Variants in ALG5 observed in about 807,000 individuals in gnomAD.
ALG5 encodes the protein ALG5 dolichyl-phosphate beta-glucosyltransferase, also known as dolichyl-phosphate beta-glucosyltransferase.
A neutral mutation model predicts 51.8 loss-of-function variants in ALG5; 26 were observed. That is an observed-to-expected ratio of 0.50 (90% CI 0.37 to 0.70). The LOEUF is 0.70. ALG5 is among the 30% of genes least tolerant of loss of function. The probability of loss-of-function intolerance (pLI) is 0.00; values close to 1 mark genes in which losing one functional copy is unlikely to be tolerated. For missense variants in ALG5, 311 were observed against 399.3 expected (o/e 0.78, Z 1.88); for synonymous variants, 141 against 136.1 (o/e 1.04, Z -0.25).
At chr13:36,987,456 A>G (rs2059007049) in intron 5 of ALG5, among the ~76,000 whole-genome samples, 1 of 152,140 alleles carries the variant, frequency 6.6e-6, no homozygotes, top group Non-Finnish European at 1.5e-5. Context: ...TGTCCTTGCA[A>G]TAGTGAGCAA....
chr13:36,993,994 A>G (rs2059037411), intron 3 of ALG5, among the ~76,000 whole-genome samples: 1 of 152,190 alleles, frequency 6.6e-6, no homozygotes, highest in South Asian at 2.1e-4. Context: ...GTGTGTAAGA[A>G]AAAAGCTCCT....
At chr13:36,951,066 C>T (rs1013388196) in intron 9 of ALG5, among the ~76,000 whole-genome samples, 29 of 152,170 alleles carry the variant, frequency 1.9e-4, no homozygotes, top group African/African-American at 7.0e-4. Flanking sequence ...ACTGTAGAGA[C>T]ATTATCGTTT....
intron 8 of ALG5, among the ~76,000 whole-genome samples, chr13:36,965,032 G>C (rs2058886291): frequency 6.6e-6 from 1 of 152,058 alleles, no homozygotes; most frequent in South Asian, 2.1e-4. Flanking sequence ...ACTTTTTCAA[G>C]AGAAGGTTGC....
chr13:36,983,794 A>C (rs1379905404), intron 6 of ALG5, among the ~76,000 whole-genome samples: 1 of 152,086 alleles, frequency 6.6e-6, no homozygotes, highest in African/African-American at 2.4e-5. Flanking sequence ...GAAAAAAACA[A>C]AAAAAACAGC....
At chr13:36,997,597 A>T (rs1047655254) in intron 1 of ALG5, among the ~76,000 whole-genome samples, 2 of 152,218 alleles carry the variant, frequency 1.3e-5, no homozygotes, top group Non-Finnish European at 2.9e-5. Context: ...ATTGGAACAA[A>T]CAGACATATA....
chr13:36,996,483 A>G lies in ALG5; in HGVS notation c.67-887T>C, dbSNP rs150600019. On this transcript the variant is annotated intron_variant, in intron 1 of 9. Transcript: ENST00000239891. The stretch of plus-strand genomic sequence containing the variant: ...TAATCAAAGATTATCAAAGATTATA[A>G]GGGCTGTGCTGAAAGGACAAAGTAG... Among the ~76,000 whole-genome samples, 393 of 152,312 alleles carry G rather than the reference A, an allele frequency of 2.6e-3. 2 individuals are homozygous for G. Among genetic ancestry groups the G allele is most frequent in the African/African-American group, 8.8e-3 (367 of 41,560 alleles).
At chr13:36,956,285 T>TA (rs1344960591) in intron 8 of ALG5, among the ~76,000 whole-genome samples, 4 of 152,116 alleles carry the variant, frequency 2.6e-5, no homozygotes, top group Non-Finnish European at 5.9e-5. Flanking sequence ...AAATGCAAAT[T>TA]AAAGCCCCTG....
chr13:36,955,505 A>G (rs1292452284), intron 8 of ALG5, among the ~76,000 whole-genome samples: 1 of 152,076 alleles, frequency 6.6e-6, no homozygotes, highest in Non-Finnish European at 1.5e-5. Flanking sequence ...AAAAAAAAAG[A>G]GTTCTAGGAA....
intron 1 of ALG5, among the ~76,000 whole-genome samples, chr13:36,996,164 G>A (rs762807570): frequency 6.6e-5 from 10 of 152,154 alleles, no homozygotes; most frequent in Non-Finnish European, 1.2e-4. Flanking sequence ...CACTTAACTC[G>A]AATTTGAATT....
chr13:36,982,794 C>T (rs2058985639), intron 6 of ALG5, among the ~76,000 whole-genome samples: 1 of 152,138 alleles, frequency 6.6e-6, no homozygotes, highest in Non-Finnish European at 1.5e-5. Flanking sequence ...GCCTCCTTTC[C>T]ACCTCCTGCA....
At chr13:36,997,397 C>T (rs1025709951) in intron 1 of ALG5, among the ~76,000 whole-genome samples, 10 of 133,968 alleles carry the variant, frequency 7.5e-5, no homozygotes, top group Admixed American at 4.5e-4. Flanking sequence ...TGCTTGAGGG[C>T]AGAGGTTGCA....
chr13:36,958,018 G>GA lies in ALG5; in HGVS notation c.774-5420dup, dbSNP rs924119679. ...AGTCAAACCCTGGATACTGCCAAAG[G>GA]AAACCGAAAATCCAGGAGACAACGC... On this transcript the variant is annotated intron_variant, in intron 8 of 9. Coordinates refer to ENST00000239891, the MANE Select transcript of ALG5 (RefSeq NM_013338.5). Among the ~76,000 whole-genome samples, 24 of 152,088 alleles carry GA rather than the reference G, an allele frequency of 1.6e-4. 1 individual carries two copies. Among genetic ancestry groups the GA allele is most frequent in the Non-Finnish European group, 2.6e-4 (18 of 68,022 alleles).
At chr13:36,974,616 T>TA (rs1377335018) in intron 6 of ALG5, among the ~76,000 whole-genome samples, 2 of 152,062 alleles carry the variant, frequency 1.3e-5, no homozygotes, top group Non-Finnish European at 2.9e-5. Context: ...TTTTCAAACA[T>TA]ACGCAAAACT....
chr13:36,989,047 T>C (rs1029109605), intron 5 of ALG5, among the ~76,000 whole-genome samples: 3 of 152,230 alleles, frequency 2.0e-5, no homozygotes, highest in Non-Finnish European at 4.4e-5. Flanking sequence ...TCTTCTTTTT[T>C]ACTTATGCAA....
rs142438103 is a variant in ALG5, at chr13:36,974,125, A to G, written c.562-2089T>C. ...ATGAGGAAGGTCTTTATGCATAAATATAGTGCAATCTCCAAGACACATTGT... is the reference window on the plus strand; with the variant it reads ...ATGAGGAAGGTCTTTATGCATAAATGTAGTGCAATCTCCAAGACACATTGT... On this transcript the variant is annotated intron_variant, in intron 6 of 9. Coordinates refer to ENST00000239891, the MANE Select transcript of ALG5 (RefSeq NM_013338.5). 8.5e-4 allele frequency among the ~76,000 whole-genome samples: 130 copies of G among 152,350 alleles called. 1 individual carries two copies. The highest frequency in any genetic ancestry group is 3.0e-3 in the African/African-American group (124 of 41,592).
At chr13:36,978,967 T>A (rs547763269) in intron 6 of ALG5, among the ~76,000 whole-genome samples, 1 of 151,452 alleles carries the variant, frequency 6.6e-6, no homozygotes, top group Non-Finnish European at 1.5e-5. Context: ...ATGTTAATAA[T>A]TACAGGTACT....
intron 8 of ALG5, among the ~76,000 whole-genome samples, chr13:36,959,763 AT>A (rs1370266621): frequency 6.0e-5 from 9 of 151,164 alleles, no homozygotes; most frequent in Non-Finnish European, 8.9e-5. Flanking sequence ...GGTAGAATCA[AT>A]TTTTTTTTCA....
At position 36,976,883 on chromosome 13, in the gene ALG5, G is replaced by C. The variant is rs184524438; in HGVS notation, c.562-4847C>G. On this transcript the variant is annotated intron_variant, in intron 6 of 9. Transcript: ENST00000239891. Reference sequence around the variant, plus strand: ...TTCTTAGAGAGGAAGCATGTTAAAAGTTCAAATAGCATATGGCAAATCAGT... The same window carrying C: ...TTCTTAGAGAGGAAGCATGTTAAAACTTCAAATAGCATATGGCAAATCAGT... 1.6e-3 allele frequency among the ~76,000 whole-genome samples: 250 copies of C among 152,296 alleles called. 2 individuals carry two copies. The highest frequency in any genetic ancestry group is 5.7e-3 in the African/African-American group (235 of 41,564).
chr13:36,971,377 T>G (rs917871727), intron 7 of ALG5, among the ~76,000 whole-genome samples: 2 of 152,194 alleles, frequency 1.3e-5, no homozygotes, highest in Non-Finnish European at 2.9e-5. Context: ...CTGGGCGCAG[T>G]AGCTCACACC....
Sources: allele counts gnomAD v4.1 joint callset (sites outside exome capture counted in the v4.1 genomes callset), GRCh38; gene constraint gnomAD v4.1.1; transcripts MANE v1.5; gene names NCBI Gene and HGNC (gene_info 2026-07-23, HGNC 2026-07-21).